SEC31B: variants seen among roughly 807,000 people sequenced by gnomAD.
SEC31B encodes the protein SEC31 homolog B, COPII component.
A neutral mutation model predicts 135.0 loss-of-function variants in SEC31B; 113 were observed. That is an observed-to-expected ratio of 0.84 (90% CI 0.72 to 0.98). SEC31B has a LOEUF of 0.98. Ranked by LOEUF, SEC31B falls within the 50% of genes least tolerant of loss-of-function variation. The pLI is 0.00. For missense variants in SEC31B, 1,296 were observed against 1,421.1 expected (o/e 0.91, Z 1.42); for synonymous variants, 508 against 549.4 (o/e 0.92, Z 1.05).
chr10:100,498,295 C>T, intron 14 of SEC31B, 88 bp from the exon 15 acceptor site: 1 of 1,202,896 alleles, frequency 8.3e-7, no homozygotes, highest in Non-Finnish European at 1.2e-6. Flanking sequence ...CCCTCTATAT[C>T]TCTATATCAC....
At chr10:100,505,653 G>A (rs1564652266) in intron 9 of SEC31B, 158 bp from the exon 10 acceptor site, 8 of 1,426,596 alleles carry the variant, frequency 5.6e-6, no homozygotes, top group South Asian at 1.5e-5. Context: ...GAGTGGTAGC[G>A]AGGGTGGGAC....
At chr10:100,506,529 C>T in intron 7 of SEC31B, 109 bp from the exon 8 acceptor site, 1 of 823,078 alleles carries the variant, frequency 1.2e-6, no homozygotes, top group Non-Finnish European at 2.0e-6. Flanking sequence ...CATCCATGCC[C>T]TATAAAATGC....
rs768711262 is a variant in SEC31B, at chr10:100,495,375, G to A, written c.2472+10C>T. ...TGAATGAACAAATGAATGAACAAAC[G>A]AGGTCTTACCTGGTGAGAAGGCTGG... On this transcript the variant is annotated intron_variant, in intron 19 of 25. Transcript: ENST00000370345. The A allele has an allele frequency of 1.4e-5, 22 of 1,611,362 alleles. No homozygotes were observed. Among genetic ancestry groups the A allele is most frequent in the Admixed American group, 6.7e-5 (4 of 59,802 alleles).
At chr10:100,495,590 A>G in intron 18 of SEC31B, 44 bp from the exon 19 acceptor site, 2 of 1,580,300 alleles carry the variant, frequency 1.3e-6, no homozygotes, top group Non-Finnish European at 1.7e-6. Context: ...AAATTAAAAC[A>G]ATCAAGGCCC....
chr10:100,499,581 G>A lies in SEC31B; in HGVS notation c.1428C>T (p.Asp476=). ...AAAGCTTTAGGAATTTCATTCTGGAGTCTTGCTCTAAGGTCACCTAAGAAA... is the reference window on the plus strand; with the variant it reads ...AAAGCTTTAGGAATTTCATTCTGGAATCTTGCTCTAAGGTCACCTAAGAAA... ...WQFLKVTLEQ[D]SRMKFLKLLG... The change falls in exon 12 of 26, where the codon GAC becomes GAT. Residue 476 remains aspartate (D), a synonymous_variant. Coordinates refer to ENST00000370345, the MANE Select transcript of SEC31B (RefSeq NM_015490.4). The A allele has an allele frequency of 6.2e-7, 1 of 1,611,518 alleles. No homozygotes were observed. Among genetic ancestry groups the A allele is most frequent in the Non-Finnish European group, 8.5e-7 (1 of 1,178,934 alleles).
At chr10:100,501,081 CCT>C (rs1167845498) in intron 11 of SEC31B, among the ~76,000 whole-genome samples, 14 of 144,636 alleles carry the variant, frequency 9.7e-5, no homozygotes, top group Non-Finnish European at 1.8e-4. Flanking sequence ...AAAAAAAAAC[CCT>C]GTCTCTAAAA....
intron 17 of SEC31B, 141 bp downstream of exon 17, chr10:100,496,994 A>T (rs1401140450): frequency 1.2e-6 from 1 of 859,570 alleles, no homozygotes; most frequent in East Asian, 2.6e-5. Flanking sequence ...GATCCCAGAC[A>T]TTCAGGACCT....
At chr10:100,517,616 G>A (rs564041940) in intron 1 of SEC31B, among the ~76,000 whole-genome samples, 53 of 152,252 alleles carry the variant, frequency 3.5e-4, no homozygotes, top group African/African-American at 1.3e-3. Context: ...CTGCTTATAC[G>A]CAATTTCCAA....
rs780242986 is a variant in SEC31B at position 100,489,263 on chromosome 10, G to A, written c.3160C>T (p.Leu1054Phe). 6.2e-7 allele frequency: 1 copy of A among 1,607,518 alleles called. No individual in the cohort carries two copies. The highest frequency in any genetic ancestry group is 8.5e-7 in the Non-Finnish European group (1 of 1,177,896). The part of the protein sequence containing the change: ...SHAPPGVPGE[L>F]SLQLQHLPPE... ...ATTGTCCTTGTCACCTGCAGGCTGA[G>A]TTCTCCTGGAACTCCTGGGGGAGCA... The change falls in exon 23 of 26, where the codon CTC (leucine) becomes TTC (phenylalanine). Residue 1054 changes from leucine to phenylalanine, a missense_variant. Transcript: ENST00000370345.
At chr10:100,501,922 A>G (rs1851531655) in intron 11 of SEC31B, among the ~76,000 whole-genome samples, 1 of 151,742 alleles carries the variant, frequency 6.6e-6, no homozygotes, top group Non-Finnish European at 1.5e-5. Context: ...CTTCCTTCCC[A>G]TTACCTTATC....
rs200380257 is a variant in SEC31B at position 100,489,726 on chromosome 10, T to C, written c.3001A>G (p.Arg1001Gly). Residue 1001 changes from arginine (R) to glycine (G), a missense_variant, in exon 22 of 26, where the codon AGG becomes GGG. Transcript: ENST00000370345. ...QDSWKEAPAP[R>G]GNLQRNKLPE... ...ACCTTGTTCCTCTGGAGGTTTCCCCTGGGGGCTGGGGCTTCTTTCCAGGAA... is the reference window on the plus strand; with the variant it reads ...ACCTTGTTCCTCTGGAGGTTTCCCCCGGGGGCTGGGGCTTCTTTCCAGGAA... The C allele has an allele frequency of 1.9e-6, 3 of 1,613,964 alleles. No homozygotes were observed. Among genetic ancestry groups the C allele is most frequent in the Non-Finnish European group, 2.5e-6 (3 of 1,179,996 alleles).
rs907926404 is a variant in SEC31B, at chr10:100,487,907, C to T, written c.3361-112G>A. ...TGGGGCCCAGTCCAGGCAAGATGCACGTATTTTGTGGGGAACCCAGGTCAG... is the reference window on the plus strand; with the variant it reads ...TGGGGCCCAGTCCAGGCAAGATGCATGTATTTTGTGGGGAACCCAGGTCAG... On this transcript the variant is annotated intron_variant, in intron 25 of 25. Coordinates refer to ENST00000370345, the MANE Select transcript of SEC31B (RefSeq NM_015490.4). 34 of 1,513,168 alleles carry T rather than the reference C, an allele frequency of 2.2e-5. No homozygotes were observed. The South Asian group carries it at 2.5e-4, about 11-fold the overall frequency. 93.7% of individuals were successfully genotyped at this position (1,513,168 alleles called of 1,614,324 possible). A position where few individuals can be genotyped will look rare whatever the true frequency, so the allele number is the denominator to read the frequency against.
In SEC31B at chr10:100,499,316, T is replaced by C. The variant is rs190771736; in HGVS notation, c.1486-58A>G. ...CAAGCGTAAGATCAAATAAGCATTA[T>C]CCTCTTTTCCTATCTCCATACCCCA... On this transcript the variant is annotated intron_variant, in intron 12 of 25. Coordinates refer to ENST00000370345, the MANE Select transcript of SEC31B (RefSeq NM_015490.4). The C allele has an allele frequency of 2.1e-4, 285 of 1,366,898 alleles. 1 individual carries two copies. In the African/African-American group the frequency reaches 3.7e-3, roughly 18 times the overall value. 84.7% of individuals were successfully genotyped at this position (1,366,898 alleles called of 1,614,324 possible).
chr10:100,496,486 T>C (rs1851411746), intron 17 of SEC31B, 55 bp from the exon 18 acceptor site: 1 of 1,582,134 alleles, frequency 6.3e-7, no homozygotes, highest in Admixed American at 1.7e-5. Context: ...TCCTGCTCTC[T>C]AAGTCCACGC....
At chr10:100,511,814 G>A (rs1240279576) in intron 3 of SEC31B, among the ~76,000 whole-genome samples, 1 of 152,202 alleles carries the variant, frequency 6.6e-6, no homozygotes, top group East Asian at 1.9e-4. Context: ...CAAACAGAGT[G>A]ATTAAGGCAG....
rs1195615060 is a variant in SEC31B at position 100,516,095 on chromosome 10, C to CCTTT, written c.203_203+1insAAAG (p.Phe69LysfsTer78). On this transcript the variant is annotated frameshift_variant and splice_region_variant. Coordinates refer to ENST00000370345, the MANE Select transcript of SEC31B (RefSeq NM_015490.4). LOFTEE classifies it high-confidence loss of function. ...ATACCCATCAATAGATCAGACAATA[C>CCTTT]CTGCTCAAGGCAGAAAGGACTCCTC... 1 of 1,613,968 alleles carries CCTTT rather than the reference C, an allele frequency of 6.2e-7. No homozygotes were observed. Among genetic ancestry groups the CCTTT allele is most frequent in the Non-Finnish European group, 8.5e-7 (1 of 1,179,990 alleles).
intron 11 of SEC31B, among the ~76,000 whole-genome samples, chr10:100,501,468 G>T (rs949212432): frequency 1.3e-5 from 2 of 152,150 alleles, no homozygotes; most frequent in African/African-American, 2.4e-5. Flanking sequence ...GTATAGTCAA[G>T]ATCTTTCTCA....
intron 3 of SEC31B, 132 bp from the exon 4 acceptor site, chr10:100,509,643 T>C (rs1851702998): frequency 6.1e-6 from 4 of 657,414 alleles, no homozygotes; most frequent in Non-Finnish European, 1.0e-5. Context: ...GTCTCCTTCA[T>C]TTCCCAGACA....
rs34657188 is a variant in SEC31B at position 100,506,260 on chromosome 10, A to T, written c.883-59T>A. 1.9e-5 allele frequency: 30 copies of T among 1,613,992 alleles called. No individual in the cohort carries two copies. The African/African-American group carries it at 3.6e-4, about 19-fold the overall frequency. ...CATGAAACCCAAAACACATGGCTGC[A>T]GCTGAGATTCTTCTACCCTCTCTCT... On this transcript the variant is annotated intron_variant, in intron 8 of 25. Coordinates refer to ENST00000370345, the MANE Select transcript of SEC31B (RefSeq NM_015490.4).
Sources: allele counts gnomAD v4.1 joint callset (sites outside exome capture counted in the v4.1 genomes callset), GRCh38; gene constraint gnomAD v4.1.1; transcripts MANE v1.5; gene names NCBI Gene and HGNC (gene_info 2026-07-23, HGNC 2026-07-21).